The following PPP2R3C variants were observed in gnomAD, a reference collection of about 807,000 sequenced individuals.
The protein encoded by PPP2R3C is protein phosphatase 2 regulatory subunit B''gamma.
A neutral mutation model predicts 63.7 loss-of-function variants in PPP2R3C; 47 were observed. The ratio of observed to expected loss-of-function variants is 0.74; its 90% confidence interval spans 0.58 to 0.94. The LOEUF is 0.94. PPP2R3C is among the 40% of genes least tolerant of loss of function. The pLI is 0.00. For missense variants in PPP2R3C, 421 were observed against 518.4 expected, an observed-to-expected ratio of 0.81 and a Z score of 1.82; for synonymous variants, 180 against 177.4, an observed-to-expected ratio of 1.01 and a Z score of -0.12.
Position 35,089,956 on chromosome 14 carries a change from CA to C in PPP2R3C, c.1113+1113del, listed in dbSNP as rs201271810. The stretch of plus-strand genomic sequence containing the variant: ...CTGGGATTACAGGCATGAGCCACCG[CA>C]ACCCGGCCGATTTTTAAATTTAATA... On this transcript the variant is annotated intron_variant, in intron 11 of 12. Coordinates refer to ENST00000261475, the MANE Select transcript of PPP2R3C (RefSeq NM_017917.4). 4.2e-3 allele frequency among the ~76,000 whole-genome samples: 646 copies of C among 152,172 alleles called. 2 individuals carry two copies. Among genetic ancestry groups the C allele is most frequent in the Admixed American group, 9.3e-3 (142 of 15,272 alleles).
intron 4 of PPP2R3C, among the ~76,000 whole-genome samples, 189 bp from the exon 5 acceptor site, chr14:35,108,425 C>A (rs1011693187): frequency 4.6e-5 from 7 of 150,550 alleles, no homozygotes; most frequent in Non-Finnish European, 1.0e-4. Flanking sequence ...GGAGATTTGG[C>A]CAGGCGCAGT....
chr14:35,103,729 C>T (rs1295629598), intron 6 of PPP2R3C, among the ~76,000 whole-genome samples: 1 of 152,066 alleles, frequency 6.6e-6, no homozygotes, highest in African/African-American at 2.4e-5. Flanking sequence ...CAAAGTAAAA[C>T]ATGAGCCCTA....
chr14:35,107,210 A>G, intron 6 of PPP2R3C, 94 bp downstream of exon 6: 1 of 932,090 alleles, frequency 1.1e-6, no homozygotes, highest in Non-Finnish European at 1.7e-6. Flanking sequence ...AAGTATTATG[A>G]GAACAGCCTG....
In PPP2R3C at chr14:35,112,572, CA is replaced by C. The variant is rs2046596335; in HGVS notation, c.187-1944del. Among the ~76,000 whole-genome samples the C allele has an allele frequency of 5.3e-5, 8 of 152,150 alleles. No individual in the cohort carries two copies. In the South Asian group the frequency reaches 1.7e-3, roughly 32 times the overall value. On this transcript the variant is annotated intron_variant, in intron 2 of 12. Transcript: ENST00000261475. ...GGAACAGAGTTAAAGGAGTATAAAC[CA>C]AAAATAAAATTCTAAGGCCCCCCAA...
intron 11 of PPP2R3C, among the ~76,000 whole-genome samples, chr14:35,089,150 C>T (rs955296366): frequency 6.6e-6 from 1 of 152,074 alleles, no homozygotes; most frequent in Non-Finnish European, 1.5e-5. Context: ...GTCATTCAGG[C>T]CGTAGTGCAG....
chr14:35,107,799 A>C (rs1243745710), intron 5 of PPP2R3C: 16 of 348,080 alleles, frequency 4.6e-5, no homozygotes, highest in Non-Finnish European at 7.8e-5. Flanking sequence ...CTGATATTAC[A>C]GCTTTGGGTT....
intron 10 of PPP2R3C, among the ~76,000 whole-genome samples, chr14:35,093,692 G>A (rs1421099837): frequency 6.6e-6 from 1 of 151,946 alleles, no homozygotes; most frequent in Non-Finnish European, 1.5e-5. Context: ...AGTTGCCCAG[G>A]CTGGAGTGCA....
intron 12 of PPP2R3C, 23 bp downstream of exon 12, chr14:35,087,928 C>G: frequency 1.3e-6 from 2 of 1,546,002 alleles, no homozygotes; most frequent in South Asian, 2.2e-5. Flanking sequence ...TCTGGTAATA[C>G]GTAAATTAAA....
At chr14:35,119,069 G>C (rs535421998) in intron 1 of PPP2R3C, among the ~76,000 whole-genome samples, 3 of 141,190 alleles carry the variant, frequency 2.1e-5, no homozygotes, top group African/African-American at 5.3e-5. Flanking sequence ...ATGTAGTCTC[G>C]TTCTATCGCC....
chr14:35,090,115 A>G (rs1318983269), intron 11 of PPP2R3C, among the ~76,000 whole-genome samples: 1 of 152,150 alleles, frequency 6.6e-6, no homozygotes, highest in Non-Finnish European at 1.5e-5. Flanking sequence ...GGGCTGTACT[A>G]CCATTGGAAA....
rs1250326495 is a variant in PPP2R3C, at chr14:35,090,101, T to G, written c.1113+969A>C. On this transcript the variant is annotated intron_variant, in intron 11 of 12. Coordinates refer to ENST00000261475, the MANE Select transcript of PPP2R3C (RefSeq NM_017917.4). ...TAAAATAAAAATATGTAAATATACG[T>G]CAGGGGCTGTACTACCATTGGAAAT... 3.9e-4 allele frequency among the ~76,000 whole-genome samples: 59 copies of G among 152,164 alleles called. 1 individual carries two copies. Among genetic ancestry groups the G allele is most frequent in the Non-Finnish European group, 5.9e-5 (4 of 68,032 alleles).
chr14:35,119,500 C>T lies in PPP2R3C; in HGVS notation c.58+2402G>A, dbSNP rs576881815. On this transcript the variant is annotated intron_variant, in intron 1 of 12. Coordinates refer to ENST00000261475, the MANE Select transcript of PPP2R3C (RefSeq NM_017917.4). ...CTACAGTGGTGCACAACCACCCGGG[C>T]TAATTTTTTACTTTCTATTTTTGTA... Among the ~76,000 whole-genome samples, 20 of 152,124 alleles carry T rather than the reference C, an allele frequency of 1.3e-4. No individual in the cohort carries two copies. The South Asian group carries it at 3.7e-3, about 28-fold the overall frequency.
intron 2 of PPP2R3C, among the ~76,000 whole-genome samples, chr14:35,111,102 G>A (rs1167409579): frequency 6.6e-6 from 1 of 152,036 alleles, no homozygotes; most frequent in Non-Finnish European, 1.5e-5. Context: ...GGGCATGGTG[G>A]CATGTGCCTG....
chr14:35,090,779 G>A (rs571411889), intron 11 of PPP2R3C, among the ~76,000 whole-genome samples: 115 of 140,174 alleles, frequency 8.2e-4, no homozygotes, highest in Non-Finnish European at 1.6e-3. Flanking sequence ...GCAGTGGCAC[G>A]ATCTCGGCTC....
chr14:35,091,053 A>G lies in PPP2R3C; in HGVS notation c.1113+17T>C. The G allele has an allele frequency of 6.3e-7, 1 of 1,590,538 alleles. No individual in the cohort carries two copies. Among genetic ancestry groups the G allele is most frequent in the Non-Finnish European group, 8.6e-7 (1 of 1,163,506 alleles). ...TATCTTAAGGAACAATGACTCACTT[A>G]TGCAAATGAGACTTACCCTAAAGAA... On this transcript the variant is annotated intron_variant, in intron 11 of 12. Transcript: ENST00000261475.
chr14:35,121,720 C>A (rs1364758375), intron 1 of PPP2R3C, 182 bp downstream of exon 1: 10 of 620,296 alleles, frequency 1.6e-5, no homozygotes, highest in Non-Finnish European at 2.8e-5. Flanking sequence ...AGATTCTGCC[C>A]CAGGAAAGTT....
In PPP2R3C at chr14:35,096,702, C is replaced by G. The variant is rs759687610; in HGVS notation, c.762+7G>C. 3 of 1,603,764 alleles carry G rather than the reference C, an allele frequency of 1.9e-6. No individual in the cohort carries two copies. Among genetic ancestry groups the G allele is most frequent in the Non-Finnish European group, 2.6e-6 (3 of 1,175,600 alleles). ...GTGATACAATTAAGTAGTTTAAAAA[C>G]ATTTACCTCCAATAAATCATCTAGG... On this transcript the variant is annotated splice_region_variant and intron_variant, in intron 8 of 12. Coordinates refer to ENST00000261475, the MANE Select transcript of PPP2R3C (RefSeq NM_017917.4).
chr14:35,111,138 G>A (rs1242951223), intron 2 of PPP2R3C, among the ~76,000 whole-genome samples: 9 of 151,398 alleles, frequency 5.9e-5, no homozygotes, highest in Non-Finnish European at 1.5e-5. Context: ...AGGAGGCTGA[G>A]GCAGGAGAAT....
intron 12 of PPP2R3C, chr14:35,086,146 C>T: frequency 6.1e-6 from 1 of 164,390 alleles, no homozygotes. Context: ...ATATATTTTT[C>T]TGTTGCCTTC....
Sources: gnomAD v4.1 joint callset for allele counts (sites outside exome capture counted in the v4.1 genomes callset) on GRCh38, gnomAD v4.1.1 for gene constraint, MANE v1.5 for transcripts, NCBI Gene and HGNC (gene_info 2026-07-23, HGNC 2026-07-21) for gene names.